The following DLG2 variants were observed in gnomAD, a reference collection of about 807,000 sequenced individuals.
The protein encoded by DLG2 is discs large MAGUK scaffold protein 2, also known as disks large homolog 2.
In DLG2, 45 loss-of-function variants were observed where a neutral mutation model predicts 132.5. The observed-to-expected ratio is 0.34, with a 90% confidence interval of 0.27 to 0.44. The LOEUF is 0.44. Ranked by LOEUF, DLG2 falls within the 20% of genes least tolerant of loss-of-function variation. DLG2 has a pLI of 1.00. For synonymous variants in DLG2, 424 were observed against 419.6 expected, an observed-to-expected ratio of 1.01 and a Z score of -0.13; for missense variants, 1,045 against 1,196.9, an observed-to-expected ratio of 0.87 and a Z score of 1.87.
In DLG2 at chr11:85,379,953, C is replaced by G. The variant is rs146787187; in HGVS notation, c.41-94588G>C. Among the ~76,000 whole-genome samples the G allele has an allele frequency of 1.9e-3, 282 of 152,246 alleles. 1 individual carries two copies. The highest frequency in any genetic ancestry group is 3.1e-3 in the Non-Finnish European group (209 of 68,010). ...TCTTATTTACAAGCCTTATCACTTA[C>G]AAATATTTGAGAATAATTACATAAA... On this transcript the variant is annotated intron_variant, in intron 3 of 27. Transcript: ENST00000376104.
At chr11:83,733,668 G>C (rs17159816) in intron 18 of DLG2, among the ~76,000 whole-genome samples, 54,800 of 152,012 alleles carry the variant, frequency 0.36, 11,613 homozygotes, top group African/African-American at 0.59. Flanking sequence ...ATCATCACTT[G>C]TCTCTAGCCC....
intron 18 of DLG2, among the ~76,000 whole-genome samples, chr11:83,772,638 T>A (rs1050086209): frequency 1.3e-5 from 2 of 151,974 alleles, no homozygotes; most frequent in African/African-American, 4.8e-5. Context: ...GAAGATCTAA[T>A]GCTATAAAAT....
intron 6 of DLG2, among the ~76,000 whole-genome samples, chr11:85,108,293 G>A (rs1439304875): frequency 6.6e-6 from 1 of 151,960 alleles, no homozygotes; most frequent in African/African-American, 2.4e-5. Context: ...ATGTAGGAGA[G>A]AATAAACTGA....
chr11:85,290,575 A>G (rs138165232), intron 3 of DLG2, among the ~76,000 whole-genome samples: 6 of 152,156 alleles, frequency 3.9e-5, no homozygotes, highest in Admixed American at 3.9e-4. Context: ...GATGCCCATA[A>G]TAGAAGGAAG....
chr11:84,113,967 AT>A (rs1257330396), intron 9 of DLG2, among the ~76,000 whole-genome samples: 18 of 152,258 alleles, frequency 1.2e-4, no homozygotes, highest in African/African-American at 2.2e-4. Context: ...AGTAAAAAAA[AT>A]GTCCTATAAA....
At chr11:84,854,404 ATAAGT>A (rs2082523142) in intron 6 of DLG2, among the ~76,000 whole-genome samples, 1 of 151,976 alleles carries the variant, frequency 6.6e-6, no homozygotes, top group African/African-American at 2.4e-5. Flanking sequence ...GGATGATTAA[ATAAGT>A]TAACACATAC....
intron 16 of DLG2, among the ~76,000 whole-genome samples, chr11:83,859,718 G>A (rs766034596): frequency 6.6e-6 from 1 of 152,204 alleles, no homozygotes. Flanking sequence ...GGAGCTGAAT[G>A]TTAGTCACCT....
intron 6 of DLG2, among the ~76,000 whole-genome samples, chr11:84,813,396 AC>A (rs1236496769): frequency 6.6e-6 from 1 of 152,150 alleles, no homozygotes; most frequent in East Asian, 1.9e-4. Context: ...TAACTGAGGT[AC>A]AGAGAAGATG....
intron 6 of DLG2, among the ~76,000 whole-genome samples, chr11:84,989,364 T>C (rs1264606728): frequency 6.6e-6 from 1 of 152,074 alleles, no homozygotes; most frequent in African/African-American, 2.4e-5. Context: ...TTAGTAGAGA[T>C]GGGGTTTCAC....
At chr11:83,499,852 G>GAC (rs2094358910) in intron 21 of DLG2, among the ~76,000 whole-genome samples, 1 of 61,624 alleles carries the variant, frequency 1.6e-5, no homozygotes, top group Admixed American at 2.6e-4. Flanking sequence ...ACTAATAGGA[G>GAC]ATATATATAT....
intron 8 of DLG2, among the ~76,000 whole-genome samples, chr11:84,222,718 C>T (rs917361021): frequency 1.3e-5 from 2 of 152,138 alleles, no homozygotes; most frequent in African/African-American, 2.4e-5. Flanking sequence ...GTAGCTTCCA[C>T]TTACCCCACT....
At chr11:83,877,952 T>G (rs146231466) in intron 15 of DLG2, among the ~76,000 whole-genome samples, 186 of 152,298 alleles carry the variant, frequency 1.2e-3, no homozygotes, top group African/African-American at 4.2e-3. Context: ...ATTGGCTACA[T>G]AAACAATGTG....
At chr11:84,127,052 T>A (rs2094206175) in intron 9 of DLG2, among the ~76,000 whole-genome samples, 1 of 152,220 alleles carries the variant, frequency 6.6e-6, no homozygotes, top group African/African-American at 2.4e-5. Context: ...TTCGTCAAGC[T>A]AGCCATTATA....
intron 19 of DLG2, among the ~76,000 whole-genome samples, chr11:83,582,959 C>T (rs543070879): frequency 1.6e-4 from 24 of 152,184 alleles, no homozygotes; most frequent in African/African-American, 5.1e-4. Flanking sequence ...AGATTCAAAG[C>T]GGCAAAGTGA....
chr11:84,043,989 C>A (rs1443159596), intron 11 of DLG2, among the ~76,000 whole-genome samples: 2 of 151,424 alleles, frequency 1.3e-5, no homozygotes, highest in East Asian at 3.9e-4. Context: ...ATAGGTTAAA[C>A]TCTTTGTCTC....
At chr11:85,393,570 G>A (rs2086995384) in intron 3 of DLG2, among the ~76,000 whole-genome samples, 1 of 151,382 alleles carries the variant, frequency 6.6e-6, no homozygotes, top group African/African-American at 2.4e-5. Flanking sequence ...CAGCCCAAAT[G>A]CCCAACAATC....
intron 4 of DLG2, among the ~76,000 whole-genome samples, chr11:85,178,946 T>G (rs915558213): frequency 6.6e-6 from 1 of 151,794 alleles, no homozygotes; most frequent in African/African-American, 2.4e-5. Flanking sequence ...AAGCAATATT[T>G]GAATAAATAC....
In DLG2 at chr11:84,533,905, C is replaced by CAAAAAA. The variant is rs558597260; in HGVS notation, c.519+659_519+664dup. Among the ~76,000 whole-genome samples the CAAAAAA allele has an allele frequency of 8.6e-3, 602 of 70,254 alleles. 51 individuals are homozygous for CAAAAAA. The highest frequency in any genetic ancestry group is 0.011 in the Non-Finnish European group (419 of 37,678). The allele number at this position is 70,254 out of a possible 152,430, so 46.1% of individuals were successfully genotyped here. A position where few individuals can be genotyped will look rare whatever the true frequency, so the allele number is the denominator to read the frequency against. ...CAAAATCCAGTAGCGCCAGTTCAGC[C>CAAAAAA]AAAAAAAAAAAAAAAAAAAAAAAAA... On this transcript the variant is annotated intron_variant, in intron 7 of 27. Transcript: ENST00000376104.
At chr11:84,283,852 A>T (rs2097879891) in intron 7 of DLG2, among the ~76,000 whole-genome samples, 1 of 152,156 alleles carries the variant, frequency 6.6e-6, no homozygotes, top group Admixed American at 6.5e-5. Context: ...ATAAAAGCTA[A>T]TTACAATTTC....
Sources: allele counts gnomAD v4.1 joint callset (sites outside exome capture counted in the v4.1 genomes callset), GRCh38; gene constraint gnomAD v4.1.1; transcripts MANE v1.5; gene names NCBI Gene and HGNC (gene_info 2026-07-23, HGNC 2026-07-21).